Variants in TPH1 observed in about 807,000 individuals in gnomAD.
TPH1 encodes the protein tryptophan 5-hydroxylase 1.
A neutral mutation model predicts 49.5 loss-of-function variants in TPH1; 37 were observed. The observed-to-expected ratio is 0.75, with a 90% CI of 0.58 to 0.98. The LOEUF is 0.98. Among genes scored for constraint, TPH1 ranks in the 50% least tolerant of loss-of-function variants. TPH1 has a pLI of 0.00. For missense variants in TPH1, 487 were observed against 523.6 expected, an observed-to-expected ratio of 0.93 and a Z score of 0.68; for synonymous variants, 160 against 182.1, an observed-to-expected ratio of 0.88 and a Z score of 0.98.
rs1371705442 is a variant in TPH1, at chr11:18,041,454, A to G, written c.-26-666T>C. On this transcript the variant is annotated intron_variant, in intron 1 of 10. Transcript: ENST00000682019. ...TCAGACATATCTAATCATTGGCCTC[A>G]TGTTTATCAGTGTATGACCTCGGGC... 3 of 152,392 alleles carry G rather than the reference A, an allele frequency of 2.0e-5. No homozygotes were observed. In the East Asian group the frequency reaches 5.8e-4, roughly 29 times the overall value. 9.4% of individuals were successfully genotyped at this position (152,392 alleles called of 1,614,324 possible). A position where few individuals can be genotyped will look rare whatever the true frequency, so the allele number is the denominator to read the frequency against.
chr11:18,022,818 T>C lies in TPH1; in HGVS notation c.1140A>G (p.Glu380=). 1 of 1,613,320 alleles carries C rather than the reference T, an allele frequency of 6.2e-7. No homozygotes were observed. Among genetic ancestry groups the C allele is most frequent in the Non-Finnish European group, 8.5e-7 (1 of 1,179,486 alleles). The change falls in exon 10 of 11, where the codon GAA becomes GAG. Residue 380 remains glutamate (E), a synonymous_variant. Transcript: ENST00000682019. ...QDVYFVSESF[E]DAKEKMREFT... Reference sequence around the variant, plus strand: ...TGTACCTCATCTTCTCCTTTGCATCTTCAAAACTTTCAGATACAAAGTAGA... The same window carrying C: ...TGTACCTCATCTTCTCCTTTGCATCCTCAAAACTTTCAGATACAAAGTAGA...
intron 7 of TPH1, 69 bp downstream of exon 7, chr11:18,026,421 C>G: frequency 2.1e-6 from 2 of 941,508 alleles, no homozygotes; most frequent in Non-Finnish European, 3.1e-6. Context: ...AAAAAAAGAA[C>G]CCATAAGGTA....
chr11:18,035,833 CTA>C, intron 3 of TPH1, 124 bp downstream of exon 3: 1 of 778,556 alleles, frequency 1.3e-6, no homozygotes, highest in Admixed American at 2.3e-5. Context: ...GTTCCCTTCA[CTA>C]TCAGACTGTA....
In TPH1 at chr11:18,033,253, A is replaced by T. The variant is rs201937646; in HGVS notation, c.402+21T>A. 1,152 of 1,474,084 alleles carry T rather than the reference A, an allele frequency of 7.8e-4. 12 individuals are homozygous for T. The highest frequency in any genetic ancestry group is 1.2e-4 in the Non-Finnish European group (125 of 1,064,546). The allele number at this position is 1,474,084 out of a possible 1,614,324, so 91.3% of individuals were successfully genotyped here. ...GGACAGCAGAGCAAGACTTGCTCTT[A>T]AAAAAAAAGAAAATACTTACAGGAT... On this transcript the variant is annotated intron_variant, in intron 4 of 10. Coordinates refer to ENST00000682019, the MANE Select transcript of TPH1 (RefSeq NM_004179.3).
intron 1 of TPH1, among the ~76,000 whole-genome samples, chr11:18,045,611 C>A (rs1007971674): frequency 2.0e-5 from 3 of 152,062 alleles, no homozygotes; most frequent in African/African-American, 7.2e-5. Flanking sequence ...AAATCAAACG[C>A]CAAAGGCAAG....
In TPH1 at chr11:18,021,145, T is replaced by C. The variant is rs377448658; in HGVS notation, c.1181A>G (p.Lys394Arg). ...EKMREFTKTI[K>R]RPFGVKYNPY... ...ATTATACTTCACTCCAAATGGACGC[T>C]TAATTGTTTTGGTAAATTCTCTATT... Residue 394 changes from lysine (K) to arginine (R), a missense_variant, in exon 11 of 11, where the codon AAG becomes AGG. By Grantham distance (26) the Lys-to-Arg change is conservative (BLOSUM62 2). Coordinates refer to ENST00000682019, the MANE Select transcript of TPH1 (RefSeq NM_004179.3). The C allele has an allele frequency of 3.1e-6, 5 of 1,613,928 alleles. No individual in the cohort carries two copies. The African/African-American group carries it at 6.7e-5, about 22-fold the overall frequency.
intron 10 of TPH1, 140 bp from the exon 11 acceptor site, chr11:18,021,305 C>G: frequency 1.3e-6 from 1 of 781,370 alleles, no homozygotes; most frequent in Non-Finnish European, 2.2e-6. Flanking sequence ...TGACCTACTT[C>G]TCTACACTAC....
intron 3 of TPH1, among the ~76,000 whole-genome samples, chr11:18,034,703 T>G (rs1848027105): frequency 6.6e-6 from 1 of 152,242 alleles, no homozygotes; most frequent in Non-Finnish European, 1.5e-5. Context: ...GAAGAGATTA[T>G]TTTAGATTGA....
Position 18,026,569 on chromosome 11 carries a change from A to G in TPH1, c.724T>C (p.Leu242=). Residue 242 remains leucine (L), a synonymous_variant, in exon 7 of 11, where the codon TTA becomes CTA. Coordinates refer to ENST00000682019, the MANE Select transcript of TPH1 (RefSeq NM_004179.3). ...VAGYLSPRDF[L]SGLAFRVFHC... ...AAAACTCGAAAGGCTAAACCTGATA[A>G]GAAATCTCTTGGTGATAAGTAACCA... 1 of 1,614,102 alleles carries G rather than the reference A, an allele frequency of 6.2e-7. No homozygotes were observed. Among genetic ancestry groups the G allele is most frequent in the South Asian group, 1.1e-5 (1 of 91,080 alleles).
rs868170487 is a variant in TPH1 at position 18,044,542 on chromosome 11, T to C, written c.-27+1699A>G. On this transcript the variant is annotated intron_variant, in intron 1 of 10. Coordinates refer to ENST00000682019, the MANE Select transcript of TPH1 (RefSeq NM_004179.3). ...AGAAAATTCTCACCCTCTTTTTTGT[T>C]CCCCCCCACCCCAAAATAATCTTAC... 3.4e-3 allele frequency among the ~76,000 whole-genome samples: 514 copies of C among 151,716 alleles called. 3 individuals carry two copies. The highest frequency in any genetic ancestry group is 0.012 in the African/African-American group (490 of 41,296).
rs1565233832 is a variant in TPH1 at position 18,019,518 on chromosome 11, G to A, written c.*1473C>T. 2.5e-6 allele frequency: 1 copy of A among 396,504 alleles called. No individual in the cohort carries two copies. Among genetic ancestry groups the A allele is most frequent in the East Asian group, 7.1e-5 (1 of 14,102 alleles). The allele number at this position is 396,504 out of a possible 1,614,324, so 24.6% of individuals were successfully genotyped here. On this transcript the variant is annotated 3_prime_UTR_variant, in exon 11 of 11. Transcript: ENST00000682019. ...GGATGATGCCACATGAAGTTGTACA[G>A]CATTGGCCTAAATTATGAGACATCT...
intron 6 of TPH1, among the ~76,000 whole-genome samples, chr11:18,028,939 C>G (rs1847955201): frequency 6.6e-6 from 1 of 151,974 alleles, no homozygotes. Flanking sequence ...GTGGCAGGTG[C>G]CTGTAGTCCC....
chr11:18,029,081 CAAAAAAAA>C (rs368358256), intron 6 of TPH1, 76 bp downstream of exon 6: 13 of 540,824 alleles, frequency 2.4e-5, no homozygotes, highest in Admixed American at 7.2e-5. Context: ...GACTCTGTCT[CAAAAAAAA>C]AAAAAAAAAA....
In TPH1 at chr11:18,018,930, G is replaced by C. The variant is rs961399293; in HGVS notation, c.*2061C>G. 1 of 150,880 alleles carries C rather than the reference G, an allele frequency of 6.6e-6. No homozygotes were observed. The highest frequency in any genetic ancestry group is 1.5e-5 in the Non-Finnish European group (1 of 67,788). The allele number at this position is 150,880 out of a possible 1,614,324, so 9.3% of individuals were successfully genotyped here. A position where few individuals can be genotyped will look rare whatever the true frequency, so the allele number is the denominator to read the frequency against. ...CCTTTTTCTACATGTTCTAAGATTT[G>C]CTTTTTTTAATTTCTTTTTTTCTAC... On this transcript the variant is annotated 3_prime_UTR_variant, in exon 11 of 11. Transcript: ENST00000682019.
intron 6 of TPH1, among the ~76,000 whole-genome samples, chr11:18,027,482 TTTTAG>T (rs1374637116): frequency 2.6e-5 from 4 of 152,390 alleles, no homozygotes; most frequent in East Asian, 1.9e-4. Flanking sequence ...TTTACATTTA[TTTTAG>T]TTATTTAAAT....
chr11:18,040,370 G>GAT (rs200787736), intron 2 of TPH1, among the ~76,000 whole-genome samples: 4 of 146,324 alleles, frequency 2.7e-5, no homozygotes, highest in African/African-American at 1.0e-4. Context: ...TATAAATATA[G>GAT]ATATATATAT....
intron 1 of TPH1, among the ~76,000 whole-genome samples, chr11:18,043,867 TA>T (rs879676856): frequency 2.0e-3 from 284 of 144,304 alleles, no homozygotes; most frequent in Middle Eastern, 7.0e-3. Context: ...CCCTGTCTCT[TA>T]AAAAAAAAAA....
intron 1 of TPH1, among the ~76,000 whole-genome samples, chr11:18,043,702 A>C (rs541279008): frequency 2.4e-4 from 36 of 152,136 alleles, no homozygotes; most frequent in Middle Eastern, 3.4e-3. Flanking sequence ...ACAACAACAA[A>C]AAAAATTGTT....
intron 8 of TPH1, 29 bp from the exon 9 acceptor site, chr11:18,024,012 C>A: frequency 6.7e-7 from 1 of 1,499,688 alleles, no homozygotes. Context: ...ATTATTCTCA[C>A]ACACTGACGA....
Sources: allele counts gnomAD v4.1 joint callset (sites outside exome capture counted in the v4.1 genomes callset), GRCh38; gene constraint gnomAD v4.1.1; transcripts MANE v1.5; gene names NCBI Gene and HGNC (gene_info 2026-07-23, HGNC 2026-07-21).